The following EDC4 variants were observed in gnomAD, a reference collection of about 807,000 sequenced individuals.
EDC4 encodes the protein enhancer of mRNA decapping 4, also known as enhancer of mRNA-decapping protein 4.
In EDC4, 64 loss-of-function variants were observed where a neutral mutation model predicts 155.8. The observed-to-expected ratio is 0.41, with a 90% CI of 0.34 to 0.51. The LOEUF (loss-of-function observed/expected upper bound fraction) is 0.51. EDC4 is among the 20% of genes least tolerant of loss of function. EDC4 has a pLI of 0.19. For missense variants in EDC4, 1,303 were observed against 1,812.5 expected, an observed-to-expected ratio of 0.72 and a Z score of 5.10; for synonymous variants, 684 against 716.8, an observed-to-expected ratio of 0.95 and a Z score of 0.73.
intron 1 of EDC4, among the ~76,000 whole-genome samples, chr16:67,875,054 A>G (rs1227482168): frequency 6.6e-6 from 1 of 152,114 alleles, no homozygotes; most frequent in East Asian, 1.9e-4. Flanking sequence ...TAATTCAAAG[A>G]CTGTTGTGAC....
chr16:67,879,373 C>T lies in EDC4; in HGVS notation c.1542-39C>T, dbSNP rs964213637. 2 of 1,614,074 alleles carry T rather than the reference C, an allele frequency of 1.2e-6. No individual in the cohort carries two copies. Among genetic ancestry groups the T allele is most frequent in the African/African-American group, 1.3e-5 (1 of 74,906 alleles). ...TCTGTCTCCACTCTACTGACCCTTG[C>T]CCTTGGAGCACTTTATTCTCCCCCT... On this transcript the variant is annotated intron_variant, in intron 13 of 28. Coordinates refer to ENST00000358933, the MANE Select transcript of EDC4 (RefSeq NM_014329.5). This position sits in a 1 kb window ranked among gnomAD's most constrained non-coding sequence, Gnocchi z 6.0.
At position 67,877,226 on chromosome 16, in the gene EDC4, A is replaced by G. The variant is rs977798187; in HGVS notation, c.461A>G (p.Asn154Ser). 3.7e-6 allele frequency: 6 copies of G among 1,612,654 alleles called. No homozygotes were observed. In the Admixed American group the frequency reaches 1.0e-4, roughly 27 times the overall value. The change falls in exon 5 of 29, where the codon AAT becomes AGT. Residue 154 changes from asparagine to serine, a missense_variant. Physicochemically the swap from Asn to Ser is conservative, Grantham distance 46. Transcript: ENST00000358933. The surrounding 1 kb of genome is among the most constrained non-coding windows in gnomAD (Gnocchi z 4.9). ...GCTCTCCTGATTCCAGCTGCCAACAATGGCTCTGCCATGGTGCGGGTGATC... is the reference window on the plus strand; with the variant it reads ...GCTCTCCTGATTCCAGCTGCCAACAGTGGCTCTGCCATGGTGCGGGTGATC... Reference protein sequence around the residue: ...FLAYAIRAANNGSAMVRVISV... With the variant: ...FLAYAIRAANSGSAMVRVISV...
At position 67,884,329 on chromosome 16, in the gene EDC4, T is replaced by C; in HGVS notation, c.*181T>C. The C allele has an allele frequency of 1.6e-6, 1 of 617,716 alleles. No homozygotes were observed. Among genetic ancestry groups the C allele is most frequent in the South Asian group, 2.2e-5 (1 of 44,464 alleles). 38.3% of individuals were successfully genotyped at this position (617,716 alleles called of 1,614,324 possible). The stretch of plus-strand genomic sequence containing the variant: ...GCGTGTGGTAGTCAGAAGGTTTAGC[T>C]GGGCCCAGGGCAGGTATTGCGCCTG... On this transcript the variant is annotated 3_prime_UTR_variant, in exon 29 of 29. Coordinates refer to ENST00000358933, the MANE Select transcript of EDC4 (RefSeq NM_014329.5). The surrounding 1 kb of genome is among the most constrained non-coding windows in gnomAD (Gnocchi z 4.1).
Position 67,880,527 on chromosome 16 carries a change from A to G in EDC4, c.2098-30A>G, listed in dbSNP as rs764611520. On this transcript the variant is annotated intron_variant, in intron 17 of 28. Coordinates refer to ENST00000358933, the MANE Select transcript of EDC4 (RefSeq NM_014329.5). This position sits in a 1 kb window ranked among gnomAD's most constrained non-coding sequence, Gnocchi z 5.2. ...CCCCATCTCTGCCTCACTTCCTGTC[A>G]CTTAAGCCCCCATCTTTGGCCCACC... 6.2e-7 allele frequency: 1 copy of G among 1,604,124 alleles called. No individual in the cohort carries two copies. Among genetic ancestry groups the G allele is most frequent in the South Asian group, 1.1e-5 (1 of 90,548 alleles).
rs1462584509 is a variant in EDC4, at chr16:67,878,406, C to T, written c.1051C>T (p.Leu351Phe). The change falls in exon 9 of 29, where the codon CTC becomes TTC. Residue 351 changes from leucine to phenylalanine, a missense_variant. Leu to Phe is a conservative substitution (Grantham distance 22). Transcript: ENST00000358933. The surrounding 1 kb of genome is among the most constrained non-coding windows in gnomAD (Gnocchi z 5.2). ...TCATGATGGGCGGCCCCTCTCCTGC[C>T]TCCTGTTCTGTGACAACCATAAGAA... ...KPHDGRPLSC[L>F]LFCDNHKKQD... The T allele has an allele frequency of 6.2e-7, 1 of 1,614,084 alleles. No homozygotes were observed. Among genetic ancestry groups the T allele is most frequent in the Non-Finnish European group, 8.5e-7 (1 of 1,180,038 alleles).
At chr16:67,873,411 A>G (rs1000842486) in intron 1 of EDC4, 68 bp downstream of exon 1, 4 of 1,232,452 alleles carry the variant, frequency 3.2e-6, no homozygotes, top group African/African-American at 3.2e-5. Context: ...CTGAACCGCC[A>G]TTGGGGCCCA....
At chr16:67,875,653 A>G in intron 1 of EDC4, 2 of 1,023,332 alleles carry the variant, frequency 2.0e-6, no homozygotes, top group Non-Finnish European at 2.4e-6. Context: ...GCCCTCACTC[A>G]GTCCACAGAG....
At position 67,879,849 on chromosome 16, in the gene EDC4, G is replaced by C; in HGVS notation, c.1822-1G>C. ...AGGTCTTATTTCCTGCATCTCCCCA[G>C]ATCACTGCCTCTCCCAGCAGCAGCA... On this transcript the variant is annotated splice_acceptor_variant, in intron 15 of 28. Transcript: ENST00000358933. LOFTEE classifies it high-confidence loss of function. This position sits in a 1 kb window ranked among gnomAD's most constrained non-coding sequence, Gnocchi z 6.0. 6.2e-7 allele frequency: 1 copy of C among 1,613,582 alleles called. No individual in the cohort carries two copies. The highest frequency in any genetic ancestry group is 1.7e-4 in the Middle Eastern group (1 of 6,058).
Position 67,880,435 on chromosome 16 carries a change from C to G in EDC4, c.2098-122C>G, listed in dbSNP as rs2058061957. The G allele has an allele frequency of 7.0e-7, 1 of 1,422,342 alleles. No homozygotes were observed. 88.1% of individuals were successfully genotyped at this position (1,422,342 alleles called of 1,614,324 possible). A position where few individuals can be genotyped will look rare whatever the true frequency, so the allele number is the denominator to read the frequency against. On this transcript the variant is annotated intron_variant, in intron 17 of 28. Transcript: ENST00000358933. The surrounding 1 kb of genome is among the most constrained non-coding windows in gnomAD (Gnocchi z 5.2). The stretch of plus-strand genomic sequence containing the variant: ...TCTTGGCTGTGGCCTCGTTTTTGAC[C>G]TGTATCCCCACTTCCCTGCTGCCCT...
chr16:67,877,509 A>G lies in EDC4; in HGVS notation c.642A>G (p.Gln214=), dbSNP rs2058046783. 4 of 1,614,072 alleles carry G rather than the reference A, an allele frequency of 2.5e-6. No individual in the cohort carries two copies. In the Admixed American group the frequency reaches 6.7e-5, roughly 27 times the overall value. Residue 214 remains glutamine, a splice_region_variant and synonymous_variant, in exon 6 of 29, where the codon CAA becomes CAG. Transcript: ENST00000358933. The surrounding 1 kb of genome is among the most constrained non-coding windows in gnomAD (Gnocchi z 4.9). ...ATCTAGCCCTTAACACCCTGCTCAGAGAAGAGATCTTGGTCCATATTCGGC... is the reference window on the plus strand; with the variant it reads ...ATCTAGCCCTTAACACCCTGCTCAGGGAAGAGATCTTGGTCCATATTCGGC... The part of the protein sequence containing the change: ...WRLALVNGKI[Q]EEILVHIRQP...
chr16:67,881,210 TG>T lies in EDC4; in HGVS notation c.2636+36del, dbSNP rs765454661. Reference sequence around the variant, plus strand: ...GAGCCACTCTACACCATTGCCCTCATGGGGGGATGGGCAGCAAGTGGGCAGG... The same window carrying T: ...GAGCCACTCTACACCATTGCCCTCATGGGGGATGGGCAGCAAGTGGGCAGG... On this transcript the variant is annotated intron_variant, in intron 19 of 28. Transcript: ENST00000358933. This position sits in a 1 kb window ranked among gnomAD's most constrained non-coding sequence, Gnocchi z 5.4. 8.7e-6 allele frequency: 14 copies of T among 1,613,696 alleles called. No individual in the cohort carries two copies. The Admixed American group carries it at 1.8e-4, about 21-fold the overall frequency.
chr16:67,884,456 T>C lies in EDC4; in HGVS notation c.*308T>C, dbSNP rs2058084658. ...ACCTCTAATTTGGATCTTTTTGTTT[T>C]TGAAAAACATTGAGAAATTCAATTA... On this transcript the variant is annotated 3_prime_UTR_variant, in exon 29 of 29. Transcript: ENST00000358933. The surrounding 1 kb of genome is among the most constrained non-coding windows in gnomAD (Gnocchi z 4.1). 5.9e-6 allele frequency: 3 copies of C among 507,404 alleles called. No homozygotes were observed. The Admixed American group carries it at 1.1e-4, about 19-fold the overall frequency. 31.4% of individuals were successfully genotyped at this position (507,404 alleles called of 1,614,324 possible).
chr16:67,879,821 C>G lies in EDC4; in HGVS notation c.1822-29C>G. On this transcript the variant is annotated intron_variant, in intron 15 of 28. Transcript: ENST00000358933. The surrounding 1 kb of genome is among the most constrained non-coding windows in gnomAD (Gnocchi z 6.0). The stretch of plus-strand genomic sequence containing the variant: ...ACCTGGGAATGCCTCAGCCACAGGC[C>G]ACAGGTCTTATTTCCTGCATCTCCC... The G allele has an allele frequency of 6.2e-7, 1 of 1,613,350 alleles. No homozygotes were observed.
Position 67,873,073 on chromosome 16 carries a change from G to A in EDC4, c.-189G>A. ...CGGGAGCCTCGGCTCGTGGGTGCCG[G>A]AAGTGGAGGCGGTTGGTGGGGTTGG... On this transcript the variant is annotated 5_prime_UTR_variant, in exon 1 of 29. Coordinates refer to ENST00000358933, the MANE Select transcript of EDC4 (RefSeq NM_014329.5). 2.3e-6 allele frequency: 1 copy of A among 437,140 alleles called. No individual in the cohort carries two copies. The highest frequency in any genetic ancestry group is 4.0e-6 in the Non-Finnish European group (1 of 251,154). The allele number at this position is 437,140 out of a possible 1,614,324, so 27.1% of individuals were successfully genotyped here. A position where few individuals can be genotyped will look rare whatever the true frequency, so the allele number is the denominator to read the frequency against.
chr16:67,877,037 T>G lies in EDC4; in HGVS notation c.451+65T>G, dbSNP rs2058044787. 2 of 1,593,790 alleles carry G rather than the reference T, an allele frequency of 1.3e-6. No individual in the cohort carries two copies. The highest frequency in any genetic ancestry group is 1.7e-6 in the Non-Finnish European group (2 of 1,169,390). On this transcript the variant is annotated intron_variant, in intron 4 of 28. Coordinates refer to ENST00000358933, the MANE Select transcript of EDC4 (RefSeq NM_014329.5). This position sits in a 1 kb window ranked among gnomAD's most constrained non-coding sequence, Gnocchi z 4.9. ...ATGTCCCACAGAGCCAGTTCCAACA[T>G]CAGGCCACTCAGGCCTTAGGGGTAC...
At position 67,876,178 on chromosome 16, in the gene EDC4, T is replaced by G. The variant is rs1598175162; in HGVS notation, c.239+77T>G. On this transcript the variant is annotated intron_variant, in intron 2 of 28. Coordinates refer to ENST00000358933, the MANE Select transcript of EDC4 (RefSeq NM_014329.5). The surrounding 1 kb of genome is among the most constrained non-coding windows in gnomAD (Gnocchi z 5.8). The stretch of plus-strand genomic sequence containing the variant: ...CTAGCTGAAGGCATGAGATGGGGAG[T>G]GAGCGGGGCCAGCAGCCTCTGCTGC... 1.4e-6 allele frequency: 2 copies of G among 1,478,578 alleles called. No individual in the cohort carries two copies. Among genetic ancestry groups the G allele is most frequent in the Non-Finnish European group, 1.9e-6 (2 of 1,070,026 alleles). The allele number at this position is 1,478,578 out of a possible 1,614,324, so 91.6% of individuals were successfully genotyped here.
chr16:67,879,037 C>G lies in EDC4; in HGVS notation c.1368C>G (p.Thr456=), dbSNP rs759637836. ...CFSSISEFLL[T]HPVLSFGIQV... ...GCTCCATCTCGGAGTTCCTGCTCACCCACCCTGTGCTGAGCTTTGGTATCC... is the reference window on the plus strand; with the variant it reads ...GCTCCATCTCGGAGTTCCTGCTCACGCACCCTGTGCTGAGCTTTGGTATCC... The change falls in exon 12 of 29, where the codon ACC becomes ACG. Residue 456 remains threonine (T), a synonymous_variant. Transcript: ENST00000358933. This position sits in a 1 kb window ranked among gnomAD's most constrained non-coding sequence, Gnocchi z 6.0. 6.2e-7 allele frequency: 1 copy of G among 1,612,836 alleles called. No individual in the cohort carries two copies. Among genetic ancestry groups the G allele is most frequent in the Admixed American group, 1.7e-5 (1 of 60,024 alleles).
intron 1 of EDC4, chr16:67,875,735 C>A: frequency 2.9e-6 from 4 of 1,373,376 alleles, no homozygotes; most frequent in Non-Finnish European, 3.8e-6. Context: ...ACCCCTCCCC[C>A]AGGTAGAAGA....
At position 67,879,421 on chromosome 16, in the gene EDC4, A is replaced by G; in HGVS notation, c.1551A>G (p.Gln517=). 2 of 1,614,154 alleles carry G rather than the reference A, an allele frequency of 1.2e-6. No individual in the cohort carries two copies. Reference sequence around the variant, plus strand: ...CCTTCTTTTCCTGCAGGGCACTGCAAGATGTGCAGATCCGCTTCCAGCCAC... The same window carrying G: ...CCTTCTTTTCCTGCAGGGCACTGCAGGATGTGCAGATCCGCTTCCAGCCAC... ...KLFCVHTKAL[Q]DVQIRFQPQL... Residue 517 remains glutamine, a synonymous_variant, in exon 14 of 29, where the codon CAA becomes CAG. Coordinates refer to ENST00000358933, the MANE Select transcript of EDC4 (RefSeq NM_014329.5). The surrounding 1 kb of genome is among the most constrained non-coding windows in gnomAD (Gnocchi z 6.0).
Sources: gnomAD v4.1 joint callset for allele counts (sites outside exome capture counted in the v4.1 genomes callset) on GRCh38, gnomAD v4.1.1 for gene constraint, Gnocchi (gnomAD v3.1) non-coding constraint, MANE v1.5 for transcripts, NCBI Gene and HGNC (gene_info 2026-07-23, HGNC 2026-07-21) for gene names.